The following RAB8B variants were observed in gnomAD, a reference collection of about 807,000 sequenced individuals.
The protein encoded by RAB8B is RAB8B, member RAS oncogene family, also known as ras-related protein Rab-8B.
A neutral mutation model predicts 32.0 loss-of-function variants in RAB8B; 11 were observed. That is an observed-to-expected ratio of 0.34 (90% CI 0.22 to 0.57). The LOEUF (loss-of-function observed/expected upper bound fraction) is 0.57, where lower values mean the gene tolerates loss of function less well. RAB8B is among the 20% of genes least tolerant of loss of function. The pLI is 0.86. For missense variants in RAB8B, 190 were observed against 258.5 expected (o/e 0.73, Z 1.82); for synonymous variants, 103 against 89.6 (o/e 1.15, Z -0.85).
At chr15:63,258,100 G>GTTTTTTTTTTTTTTTTTTTT (rs71131155) in intron 5 of RAB8B, among the ~76,000 whole-genome samples, 2 of 142,184 alleles carry the variant, frequency 1.4e-5, no homozygotes, top group African/African-American at 2.6e-5. Context: ...AGTAAGTATA[G>GTTTTTTTTTTTTTTTTTTTT]TTTTTTTTTT....
intron 1 of RAB8B, among the ~76,000 whole-genome samples, chr15:63,206,840 A>G (rs1595734987): frequency 6.6e-6 from 1 of 152,020 alleles, no homozygotes; most frequent in South Asian, 2.1e-4. Flanking sequence ...TTAACCCCTC[A>G]AAGTCCTGCT....
intron 1 of RAB8B, among the ~76,000 whole-genome samples, chr15:63,201,318 T>C (rs1275115769): frequency 1.3e-5 from 2 of 152,266 alleles, no homozygotes; most frequent in East Asian, 3.9e-4. Context: ...GGGAATTATA[T>C]CTCAGCTCAG....
At chr15:63,260,893 C>T (rs1321510947) in intron 6 of RAB8B, among the ~76,000 whole-genome samples, 3 of 152,050 alleles carry the variant, frequency 2.0e-5, no homozygotes, top group African/African-American at 7.2e-5. Context: ...AAATCGAGAC[C>T]TACATGACTT....
At chr15:63,255,036 A>ATT (rs1013066922) in intron 3 of RAB8B, among the ~76,000 whole-genome samples, 1 of 152,224 alleles carries the variant, frequency 6.6e-6, no homozygotes, top group Non-Finnish European at 1.5e-5. Context: ...GTGACAACCT[A>ATT]TTTTTTGATC....
At chr15:63,190,483 G>A (rs969065773) in intron 1 of RAB8B, among the ~76,000 whole-genome samples, 2 of 152,166 alleles carry the variant, frequency 1.3e-5, no homozygotes, top group African/African-American at 4.8e-5. Context: ...GGGAGGTTGA[G>A]CAGAGAAGAC....
At chr15:63,251,019 C>G (rs564413437) in intron 3 of RAB8B, among the ~76,000 whole-genome samples, 8 of 151,972 alleles carry the variant, frequency 5.3e-5, no homozygotes, top group Admixed American at 3.3e-4. Context: ...CCACCACTTG[C>G]TCTCCAGTGT....
At chr15:63,237,316 T>C (rs1467438401) in intron 1 of RAB8B, among the ~76,000 whole-genome samples, 1 of 152,204 alleles carries the variant, frequency 6.6e-6, no homozygotes, top group East Asian at 1.9e-4. Flanking sequence ...TTCAAACTGT[T>C]CTCCATAGTG....
chr15:63,221,122 G>A (rs774128908), intron 1 of RAB8B, among the ~76,000 whole-genome samples: 12 of 152,186 alleles, frequency 7.9e-5, no homozygotes, highest in Non-Finnish European at 1.3e-4. Context: ...GATGGAGAAT[G>A]TTCCAGACAA....
At chr15:63,197,530 T>C (rs1250002178) in intron 1 of RAB8B, among the ~76,000 whole-genome samples, 1 of 151,798 alleles carries the variant, frequency 6.6e-6, no homozygotes. Flanking sequence ...CACACTACCA[T>C]ACCTGGTTAA....
chr15:63,249,578 G>A (rs139227953), intron 2 of RAB8B, 67 bp from the exon 3 acceptor site: 165 of 1,437,142 alleles, frequency 1.1e-4, no homozygotes, highest in Non-Finnish European at 4.8e-5. Flanking sequence ...ATCTCCTACA[G>A]CAGGGTTTCT....
chr15:63,247,049 T>G (rs1334936980), intron 2 of RAB8B, among the ~76,000 whole-genome samples: 3 of 152,172 alleles, frequency 2.0e-5, no homozygotes, highest in African/African-American at 7.2e-5. Flanking sequence ...CAATAAACAT[T>G]TATTTCTCAC....
At chr15:63,262,802 G>A in intron 7 of RAB8B, 60 bp downstream of exon 7, 2 of 816,646 alleles carry the variant, frequency 2.4e-6, no homozygotes, top group Non-Finnish European at 3.5e-6. Flanking sequence ...TTGATGAAAA[G>A]GATAGGTCTA....
intron 1 of RAB8B, among the ~76,000 whole-genome samples, chr15:63,200,834 T>G (rs1277781787): frequency 2.6e-5 from 4 of 152,234 alleles, no homozygotes; most frequent in Non-Finnish European, 5.9e-5. Flanking sequence ...CTATTTTCTC[T>G]TACACCCCAT....
chr15:63,198,594 T>C (rs1050061390), intron 1 of RAB8B, among the ~76,000 whole-genome samples: 7 of 152,178 alleles, frequency 4.6e-5, no homozygotes, highest in African/African-American at 1.7e-4. Context: ...CGTGTAGTAT[T>C]GCACGGCCTT....
intron 1 of RAB8B, among the ~76,000 whole-genome samples, chr15:63,242,854 C>T (rs1362152833): frequency 1.3e-5 from 2 of 151,594 alleles, no homozygotes; most frequent in Non-Finnish European, 2.9e-5. Context: ...CCTCCAGGGA[C>T]TGGAGGTGGT....
At chr15:63,250,324 C>T (rs896351461) in intron 3 of RAB8B, among the ~76,000 whole-genome samples, 1 of 152,106 alleles carries the variant, frequency 6.6e-6, no homozygotes, top group African/African-American at 2.4e-5. Flanking sequence ...AAACCACAAG[C>T]CCTATGACTA....
intron 1 of RAB8B, among the ~76,000 whole-genome samples, chr15:63,192,681 A>G (rs2037567043): frequency 6.6e-6 from 1 of 152,216 alleles, no homozygotes; most frequent in African/African-American, 2.4e-5. Flanking sequence ...AAAAATGGTA[A>G]TCTGCCATCT....
intron 1 of RAB8B, among the ~76,000 whole-genome samples, chr15:63,217,080 C>T (rs1232307667): frequency 2.0e-5 from 3 of 152,074 alleles, no homozygotes; most frequent in Non-Finnish European, 4.4e-5. Context: ...CCTCTGAGCT[C>T]ATGGTAGTTT....
intron 1 of RAB8B, among the ~76,000 whole-genome samples, chr15:63,204,940 T>C (rs1398154978): frequency 3.3e-5 from 5 of 151,710 alleles, no homozygotes; most frequent in Non-Finnish European, 5.9e-5. Flanking sequence ...GGAGGCTTGC[T>C]TGAGCTCAGG....
Sources: gnomAD v4.1 joint callset for allele counts (sites outside exome capture counted in the v4.1 genomes callset) on GRCh38, gnomAD v4.1.1 for gene constraint, MANE v1.5 for transcripts, NCBI Gene and HGNC (gene_info 2026-07-23, HGNC 2026-07-21) for gene names.